The following ANKRD13D variants were observed in gnomAD, a reference collection of about 807,000 sequenced individuals.
The protein encoded by ANKRD13D is ankyrin repeat domain 13D.
In ANKRD13D, 24 loss-of-function variants were observed where a neutral mutation model predicts 68.8. The ratio of observed to expected loss-of-function variants is 0.35; its 90% CI spans 0.25 to 0.49. The LOEUF (loss-of-function observed/expected upper bound fraction) is 0.49, where lower values mean the gene tolerates loss of function less well. Ranked by LOEUF, ANKRD13D falls within the 20% of genes least tolerant of loss-of-function variation. The pLI is 0.99. For missense variants in ANKRD13D, 735 were observed against 832.1 expected (o/e 0.88, Z 1.44); for synonymous variants, 331 against 336.1 (o/e 0.98, Z 0.16).
In ANKRD13D at chr11:67,292,150, A is replaced by T. The variant is rs1389395759; in HGVS notation, c.701A>T (p.His234Leu). Residue 234 changes from histidine to leucine, a missense_variant, in exon 6 of 15, where the codon CAC becomes CTC. His to Leu is a moderately conservative substitution (Grantham distance 99). Transcript: ENST00000511455. ...SRLTSPIVST[H>L]LDTRNVAFER... The stretch of plus-strand genomic sequence containing the variant: ...CTCACCTCTCCTATCGTCTCCACCC[A>T]CCTGGACACTCGTAATGTGGCCTTT... 2 of 1,604,496 alleles carry T rather than the reference A, an allele frequency of 1.2e-6. No individual in the cohort carries two copies. Among genetic ancestry groups the T allele is most frequent in the Non-Finnish European group, 1.7e-6 (2 of 1,172,504 alleles).
Position 67,291,631 on chromosome 11 carries a change from C to G in ANKRD13D, c.426C>G (p.Ser142Arg). Residue 142 changes from serine (S) to arginine (R), a missense_variant, in exon 5 of 15, where the codon AGC becomes AGG. Physicochemically the swap from Ser to Arg is moderately radical, Grantham distance 110 (BLOSUM62 -1). Transcript: ENST00000511455. Reference sequence around the variant, plus strand: ...CCCTTGTGTCTAAGATGTGCCCAAGCGATGTGTACCGCGTGTGGAAGCGGG... The same window carrying G: ...CCCTTGTGTCTAAGATGTGCCCAAGGGATGTGTACCGCGTGTGGAAGCGGG... Reference protein sequence around the residue: ...WVPLVSKMCPSDVYRVWKRGE... With the variant: ...WVPLVSKMCPRDVYRVWKRGE... 6.2e-7 allele frequency: 1 copy of G among 1,614,016 alleles called. No homozygotes were observed. Among genetic ancestry groups the G allele is most frequent in the Non-Finnish European group, 8.5e-7 (1 of 1,180,026 alleles).
Position 67,289,547 on chromosome 11 carries a change from C to G in ANKRD13D, c.87C>G (p.His29Gln). The G allele has an allele frequency of 6.6e-7, 1 of 1,525,172 alleles. No individual in the cohort carries two copies. The highest frequency in any genetic ancestry group is 2.0e-5 in the Admixed American group (1 of 50,532). 94.5% of individuals were successfully genotyped at this position (1,525,172 alleles called of 1,614,324 possible). Reference sequence around the variant, plus strand: ...AACTGGAGGCCGCACTGCACAGCCACCAGGTGAGGCCCCGCTGGGGCACCC... The same window carrying G: ...AACTGGAGGCCGCACTGCACAGCCAGCAGGTGAGGCCCCGCTGGGGCACCC... Reference protein sequence around the residue: ...HRELEAALHSHQHDIEQEDPR... With the variant: ...HRELEAALHSQQHDIEQEDPR... The change falls in exon 1 of 15, where the codon CAC becomes CAG. Residue 29 changes from histidine (H) to glutamine (Q), a missense_variant. Transcript: ENST00000511455.
chr11:67,294,555 T>G (rs1031996372), intron 6 of ANKRD13D, among the ~76,000 whole-genome samples: 12 of 151,998 alleles, frequency 7.9e-5, no homozygotes, highest in African/African-American at 2.7e-4. Context: ...TTGTTTTTTT[T>G]TTTGAGATGG....
rs1249665238 is a variant in ANKRD13D, at chr11:67,292,032, G to A, written c.583G>A (p.Val195Met). ...LVMEVDHDRQ[V>M]VHVETLGLTL... ...GATGGAAGTGGACCATGACCGGCAG[G>A]TGGTGCATGTGGAGACACTGGGGCT... Residue 195 changes from valine to methionine, a missense_variant, in exon 6 of 15, where the codon GTG becomes ATG. Coordinates refer to ENST00000511455, the MANE Select transcript of ANKRD13D (RefSeq NM_207354.3). 1.9e-6 allele frequency: 3 copies of A among 1,594,886 alleles called. No individual in the cohort carries two copies. The highest frequency in any genetic ancestry group is 1.3e-5 in the African/African-American group (1 of 74,506).
At position 67,299,629 on chromosome 11, in the gene ANKRD13D, T is replaced by C; in HGVS notation, c.880+18T>C. ...GAGCAAAGGTAAACCCAGGTGCGCC[T>C]GCCTGCTGCCCGGTCACACCGTGTG... On this transcript the variant is annotated intron_variant, in intron 8 of 14. Transcript: ENST00000511455. The surrounding 1 kb of genome is among the most constrained non-coding windows in gnomAD (Gnocchi z 6.2). 1 of 1,550,394 alleles carries C rather than the reference T, an allele frequency of 6.4e-7. No homozygotes were observed. Among genetic ancestry groups the C allele is most frequent in the Non-Finnish European group, 8.7e-7 (1 of 1,146,726 alleles).
At chr11:67,290,042 C>T in intron 1 of ANKRD13D, 36 bp from the exon 2 acceptor site, 1 of 1,525,722 alleles carries the variant, frequency 6.6e-7, no homozygotes, top group Non-Finnish European at 8.8e-7. Context: ...TTGCCCTCTT[C>T]TCTCCTGCCC....
In ANKRD13D at chr11:67,300,445, C is replaced by A; in HGVS notation, c.1073+322C>A. 1 of 387,608 alleles carries A rather than the reference C, an allele frequency of 2.6e-6. No homozygotes were observed. The highest frequency in any genetic ancestry group is 5.0e-5 in the East Asian group (1 of 20,056). 24.0% of individuals were successfully genotyped at this position (387,608 alleles called of 1,614,324 possible). A position where few individuals can be genotyped will look rare whatever the true frequency, so the allele number is the denominator to read the frequency against. On this transcript the variant is annotated intron_variant, in intron 10 of 14. Coordinates refer to ENST00000511455, the MANE Select transcript of ANKRD13D (RefSeq NM_207354.3). This position sits in a 1 kb window ranked among gnomAD's most constrained non-coding sequence, Gnocchi z 4.3. ...GCGACGTGGCCTGGGAGTGGAGCGT[C>A]TGCCTTGGTGGAACAGAACAGTTAC...
In ANKRD13D at chr11:67,301,760, C is replaced by T; in HGVS notation, c.1541C>T (p.Thr514Ile). 1 of 1,610,908 alleles carries T rather than the reference C, an allele frequency of 6.2e-7. No individual in the cohort carries two copies. Among genetic ancestry groups the T allele is most frequent in the Non-Finnish European group, 8.5e-7 (1 of 1,179,324 alleles). ...QVTVWEALTN[T>I]RPGARPPPQA... ...ACCGTCTGGGAAGCCCTGACCAACA[C>T]CCGGCCCGGTGCCCGCCCTCCTCCC... The change falls in exon 14 of 15, where the codon ACC (threonine) becomes ATC (isoleucine). Residue 514 changes from threonine (T) to isoleucine (I), a missense_variant. Thr to Ile is a moderately conservative substitution (Grantham distance 89). Coordinates refer to ENST00000511455, the MANE Select transcript of ANKRD13D (RefSeq NM_207354.3). The surrounding 1 kb of genome is among the most constrained non-coding windows in gnomAD (Gnocchi z 4.5).
chr11:67,292,892 T>C (rs1290029650), intron 6 of ANKRD13D, among the ~76,000 whole-genome samples: 1 of 152,210 alleles, frequency 6.6e-6, no homozygotes, highest in African/African-American at 2.4e-5. Context: ...TGAGTTCTCA[T>C]ATGAATGGAA....
chr11:67,291,437 G>A (rs1188771673), intron 3 of ANKRD13D, 39 bp from the exon 4 acceptor site: 1 of 1,608,418 alleles, frequency 6.2e-7, no homozygotes, highest in East Asian at 2.2e-5. Context: ...GGAGCCAGCA[G>A]CAGGCAGGGC....
rs1860432725 is a variant in ANKRD13D, at chr11:67,289,385, G to T, written c.-76G>T. The T allele has an allele frequency of 9.0e-7, 1 of 1,105,284 alleles. No individual in the cohort carries two copies. Among genetic ancestry groups the T allele is most frequent in the South Asian group, 3.8e-5 (1 of 26,404 alleles). 68.5% of individuals were successfully genotyped at this position (1,105,284 alleles called of 1,614,324 possible). A position where few individuals can be genotyped will look rare whatever the true frequency, so the allele number is the denominator to read the frequency against. On this transcript the variant is annotated 5_prime_UTR_variant, in exon 1 of 15. Coordinates refer to ENST00000511455, the MANE Select transcript of ANKRD13D (RefSeq NM_207354.3). ...GCCGCGGGGGGCGCAGCTGGGGCGC[G>T]GCTCGGAGGGGAGGCTAGGGGGCCG...
chr11:67,300,188 G>A lies in ANKRD13D; in HGVS notation c.1073+65G>A, dbSNP rs1365413242. On this transcript the variant is annotated intron_variant, in intron 10 of 14. Coordinates refer to ENST00000511455, the MANE Select transcript of ANKRD13D (RefSeq NM_207354.3). The surrounding 1 kb of genome is among the most constrained non-coding windows in gnomAD (Gnocchi z 4.3). ...AGGGCTCTTGCAGACCCCTCTCTGG[G>A]CCTGTCATAGTTAGGGACCCACTCC... 4 of 1,600,142 alleles carry A rather than the reference G, an allele frequency of 2.5e-6. No individual in the cohort carries two copies. The highest frequency in any genetic ancestry group is 2.6e-6 in the Non-Finnish European group (3 of 1,172,132).
intron 6 of ANKRD13D, among the ~76,000 whole-genome samples, chr11:67,294,682 A>G (rs1334510161): frequency 2.0e-5 from 3 of 151,918 alleles, no homozygotes; most frequent in African/African-American, 4.8e-5. Flanking sequence ...CTGGGATTAC[A>G]GGTGCCCACC....
rs781677045 is a variant in ANKRD13D at position 67,299,574 on chromosome 11, G to A, written c.843G>A (p.Thr281=). The A allele has an allele frequency of 6.6e-5, 103 of 1,551,002 alleles. No homozygotes were observed. Among genetic ancestry groups the A allele is most frequent in the Non-Finnish European group, 8.5e-5 (98 of 1,146,938 alleles). ...TGGAGCTGGTGACACGCACACGCAC[G>A]GAGCACCTCTCTGATCAGGACAAGT... The part of the protein sequence containing the change: ...TNVELVTRTR[T]EHLSDQDKSR... Residue 281 remains threonine, a synonymous_variant, in exon 8 of 15, where the codon ACG becomes ACA. Coordinates refer to ENST00000511455, the MANE Select transcript of ANKRD13D (RefSeq NM_207354.3). This position sits in a 1 kb window ranked among gnomAD's most constrained non-coding sequence, Gnocchi z 6.2.
intron 6 of ANKRD13D, chr11:67,298,306 C>G (rs146203431): frequency 6.6e-6 from 1 of 151,466 alleles, no homozygotes; most frequent in Non-Finnish European, 1.5e-5. Context: ...TCATGATCCA[C>G]CCCCCTTGGC....
rs772359362 is a variant in ANKRD13D at position 67,301,100 on chromosome 11, G to A, written c.1184G>A (p.Arg395His). The A allele has an allele frequency of 1.4e-5, 22 of 1,613,918 alleles. No homozygotes were observed. The highest frequency in any genetic ancestry group is 5.5e-5 in the South Asian group (5 of 91,090). ...AISNAHFAKL[R>H]DFITLRLPPG... ...AGCAACGCTCACTTTGCCAAGCTGC[G>A]CGACTTCATCACTCTGCGCCTTCCA... Residue 395 changes from arginine (R) to histidine (H), a missense_variant, in exon 11 of 15, where the codon CGC (arginine) becomes CAC (histidine). By Grantham distance (29) the Arg-to-His change is conservative. Coordinates refer to ENST00000511455, the MANE Select transcript of ANKRD13D (RefSeq NM_207354.3). The surrounding 1 kb of genome is among the most constrained non-coding windows in gnomAD (Gnocchi z 4.5).
intron 6 of ANKRD13D, among the ~76,000 whole-genome samples, chr11:67,294,791 T>C (rs1219296542): frequency 6.6e-6 from 1 of 152,174 alleles, no homozygotes; most frequent in Non-Finnish European, 1.5e-5. Context: ...ATTACAGGTG[T>C]GAGCCACCGT....
chr11:67,300,233 G>A lies in ANKRD13D; in HGVS notation c.1073+110G>A, dbSNP rs1266307634. 6.8e-7 allele frequency: 1 copy of A among 1,477,038 alleles called. No individual in the cohort carries two copies. The highest frequency in any genetic ancestry group is 9.2e-7 in the Non-Finnish European group (1 of 1,085,326). 91.5% of individuals were successfully genotyped at this position (1,477,038 alleles called of 1,614,324 possible). ...CACTCCCTCGGCTGGCTTCTCTCTG[G>A]ACTCCACTCCTGGAGGGCAGGAGTC... On this transcript the variant is annotated intron_variant, in intron 10 of 14. Coordinates refer to ENST00000511455, the MANE Select transcript of ANKRD13D (RefSeq NM_207354.3). This position sits in a 1 kb window ranked among gnomAD's most constrained non-coding sequence, Gnocchi z 4.3.
intron 6 of ANKRD13D, among the ~76,000 whole-genome samples, chr11:67,296,523 A>T (rs1283415219): frequency 1.3e-5 from 2 of 152,212 alleles, no homozygotes; most frequent in East Asian, 3.9e-4. Context: ...TTGTTGGTGT[A>T]CAGCTATCAT....
Sources: allele counts gnomAD v4.1 joint callset (sites outside exome capture counted in the v4.1 genomes callset), GRCh38; gene constraint gnomAD v4.1.1; non-coding constraint Gnocchi (gnomAD v3.1); transcripts MANE v1.5; gene names NCBI Gene and HGNC (gene_info 2026-07-23, HGNC 2026-07-21).